The following DLL3 variants were observed in gnomAD, a reference collection of about 807,000 sequenced individuals.
DLL3 encodes delta-like protein 3.
Under a neutral mutation model 55.0 loss-of-function variants are expected in DLL3, and 49 were observed. The ratio of observed to expected loss-of-function variants is 0.89; its 90% CI spans 0.71 to 1.13. DLL3 has a LOEUF of 1.13. Ranked by LOEUF, DLL3 falls within the 50% of genes most tolerant of loss-of-function variation. The pLI, the probability that DLL3 is intolerant of heterozygous loss-of-function variation, is 0.00. For missense variants in DLL3, 962 were observed against 875.5 expected (o/e 1.10, Z -1.25); for synonymous variants, 421 against 385.2 (o/e 1.09, Z -1.09).
intron 1 of DLL3, 42 bp from the exon 2 acceptor site, chr19:39,499,150 G>A (rs1435568530): frequency 6.2e-7 from 1 of 1,602,510 alleles, no homozygotes; most frequent in African/African-American, 1.3e-5. Context: ...GGGAAGCCTG[G>A]GTCCTCCCGG....
intron 2 of DLL3, among the ~76,000 whole-genome samples, chr19:39,500,068 T>A (rs2079600561): frequency 1.3e-5 from 2 of 152,044 alleles, no homozygotes; most frequent in African/African-American, 4.8e-5. Context: ...TCCTGGTACC[T>A]CACAAGGGTC....
intron 4 of DLL3, among the ~76,000 whole-genome samples, chr19:39,503,450 C>G (rs2079622799): frequency 6.6e-6 from 1 of 152,208 alleles, no homozygotes; most frequent in Non-Finnish European, 1.5e-5. Context: ...GATGCTAGGA[C>G]TCCAAAGCTC....
rs1197111482 is a variant in DLL3 at position 39,508,225 on chromosome 19, A to C, written c.1759-27A>C. The C allele has an allele frequency of 1.9e-6, 3 of 1,613,808 alleles. No individual in the cohort carries two copies. In the East Asian group the frequency reaches 6.7e-5, roughly 36 times the overall value. On this transcript the variant is annotated intron_variant, in intron 8 of 8. Transcript: ENST00000356433. ...GGGGAGGCAGAGGGGCAGCCTCTCT[A>C]ATGCTTCCTACTCATTTTGTTTCTA...
intron 2 of DLL3, among the ~76,000 whole-genome samples, chr19:39,500,230 C>CCAGTCTCA: frequency 6.6e-6 from 1 of 150,410 alleles, no homozygotes. Flanking sequence ...CAGTTTGAGA[C>CCAGTCTCA]CAGTCTCAGT....
chr19:39,501,094 G>A (rs1238275182), intron 3 of DLL3, among the ~76,000 whole-genome samples: 1 of 151,960 alleles, frequency 6.6e-6, no homozygotes, highest in African/African-American at 2.4e-5. Flanking sequence ...CTGCCTTCTG[G>A]GTTCAAGCAA....
In DLL3 at chr19:39,508,415, A is replaced by AT. The variant is rs935425879; in HGVS notation, c.*164dup. Reference sequence around the variant, plus strand: ...TGTAAATAATGGTTATTTATATCCTATTTTTTCTCACCCCATCTCTCTAGA... The same window carrying AT: ...TGTAAATAATGGTTATTTATATCCTATTTTTTTCTCACCCCATCTCTCTAGA... On this transcript the variant is annotated 3_prime_UTR_variant, in exon 9 of 9. Coordinates refer to ENST00000356433, the MANE Select transcript of DLL3 (RefSeq NM_203486.3). 9.3e-5 allele frequency: 75 copies of AT among 803,136 alleles called. No homozygotes were observed. Among genetic ancestry groups the AT allele is most frequent in the Non-Finnish European group, 1.4e-4 (68 of 482,452 alleles). The allele number at this position is 803,136 out of a possible 1,614,324, so 49.8% of individuals were successfully genotyped here.
In DLL3 at chr19:39,507,229, GCGCGCGGACCCGTGCGC is replaced by G. The variant is rs777791545; in HGVS notation, c.1291_1307del (p.Asp431ProfsTer29). 2.9e-6 allele frequency: 4 copies of G among 1,372,986 alleles called. No individual in the cohort carries two copies. The Admixed American group carries it at 1.5e-4, about 51-fold the overall frequency. The allele number at this position is 1,372,986 out of a possible 1,614,324, so 85.1% of individuals were successfully genotyped here. On this transcript the variant is annotated frameshift_variant, in exon 7 of 9. Coordinates refer to ENST00000356433, the MANE Select transcript of DLL3 (RefSeq NM_203486.3). LOFTEE classifies it high-confidence loss of function. ...GCTTCGGCGGCCGCGACTGCCGCGA[GCGCGCGGACCCGTGCGC>G]CGCGCGCCCCTGTGCTCACGGCGGC... is the stretch of plus-strand genomic sequence containing the variant.
At chr19:39,507,939 C>T in intron 8 of DLL3, 25 bp downstream of exon 8, 1 of 1,614,140 alleles carries the variant, frequency 6.2e-7, no homozygotes, top group Non-Finnish European at 8.5e-7. Context: ...TTTCCCCCCG[C>T]TACACACTGG....
intron 3 of DLL3, among the ~76,000 whole-genome samples, chr19:39,501,411 G>C (rs2079609166): frequency 6.6e-6 from 1 of 152,156 alleles, no homozygotes; most frequent in Non-Finnish European, 1.5e-5. Context: ...AGGGATACAG[G>C]GCATTCCTAT....
chr19:39,499,253 G>C lies in DLL3; in HGVS notation c.131G>C (p.Gly44Ala), dbSNP rs1053381581. The stretch of plus-strand genomic sequence containing the variant: ...TCTTTCGGGCCGGGTCCAGGCCCTG[G>C]GGCCCCGCGGTCCCCCTGCAGCGCC... ...IHSFGPGPGP[G>A]APRSPCSARL... is the part of the protein sequence containing the mutation. Residue 44 changes from glycine to alanine, a missense_variant, in exon 2 of 9, where the codon GGG becomes GCG. By Grantham distance (60) the Gly-to-Ala change is moderately conservative. Coordinates refer to ENST00000356433, the MANE Select transcript of DLL3 (RefSeq NM_203486.3). The C allele has an allele frequency of 4.5e-6, 7 of 1,544,370 alleles. No homozygotes were observed. Among genetic ancestry groups the C allele is most frequent in the Non-Finnish European group, 6.1e-6 (7 of 1,149,678 alleles).
Position 39,505,237 on chromosome 19 carries a change from C to T in DLL3, c.879C>T (p.Pro293=), listed in dbSNP as rs1331965283. ...CTCTTGTCCCTGCCCAGGAGACACC[C>T]AGGTCCTTTGAATGCACCTGCCCGC... ...CANGGSCSET[P]RSFECTCPRG... is the part of the protein sequence containing the mutation. The change falls in exon 6 of 9, where the codon CCC becomes CCT. Residue 293 remains proline, a synonymous_variant. Coordinates refer to ENST00000356433, the MANE Select transcript of DLL3 (RefSeq NM_203486.3). The T allele has an allele frequency of 6.2e-7, 1 of 1,614,040 alleles. No homozygotes were observed. The highest frequency in any genetic ancestry group is 1.7e-5 in the Admixed American group (1 of 60,028).
intron 8 of DLL3, 136 bp downstream of exon 8, chr19:39,508,050 T>G (rs951910938): frequency 4.4e-6 from 7 of 1,603,252 alleles, no homozygotes; most frequent in Non-Finnish European, 6.0e-6. Context: ...AAGCCCATTT[T>G]CAGTTCTAAC....
Position 39,499,234 on chromosome 19 carries a change from G to T in DLL3, c.112G>T (p.Gly38Trp). The change falls in exon 2 of 9, where the codon GGG becomes TGG. Residue 38 changes from glycine to tryptophan, a missense_variant. Coordinates refer to ENST00000356433, the MANE Select transcript of DLL3 (RefSeq NM_203486.3). Reference protein sequence around the residue: ...GVFELQIHSFGPGPGPGAPRS... With the variant: ...GVFELQIHSFWPGPGPGAPRS... ...CTTCGAGCTGCAGATCCACTCTTTC[G>T]GGCCGGGTCCAGGCCCTGGGGCCCC... The T allele has an allele frequency of 6.4e-7, 1 of 1,551,592 alleles. No homozygotes were observed.
At chr19:39,501,801 C>T (rs1478644684) in intron 3 of DLL3, among the ~76,000 whole-genome samples, 3 of 152,150 alleles carry the variant, frequency 2.0e-5, no homozygotes. Flanking sequence ...GTGTTATGAC[C>T]TCACTTCAGA....
chr19:39,507,315 C>T lies in DLL3; in HGVS notation c.1370C>T (p.Pro457Leu), dbSNP rs762031444. Residue 457 changes from proline (P) to leucine (L), a missense_variant, in exon 7 of 9, where the codon CCC becomes CTC. Coordinates refer to ENST00000356433, the MANE Select transcript of DLL3 (RefSeq NM_203486.3). The stretch of plus-strand genomic sequence containing the variant: ...TCCGGCCTCGTCTGCGCTTGCGCTC[C>T]CGGCTACATGGGAGCGCGGTGTGAG... ...HFSGLVCACA[P>L]GYMGARCEFP... The T allele has an allele frequency of 1.1e-4, 172 of 1,562,194 alleles. No homozygotes were observed. Among genetic ancestry groups the T allele is most frequent in the Non-Finnish European group, 1.4e-4 (164 of 1,161,972 alleles).
intron 1 of DLL3, 39 bp from the exon 2 acceptor site, chr19:39,499,153 C>A: frequency 6.2e-7 from 1 of 1,600,964 alleles, no homozygotes; most frequent in East Asian, 2.3e-5. Flanking sequence ...AAGCCTGGGT[C>A]CTCCCGGCCG....
At chr19:39,499,495 C>T (rs1248980767) in intron 2 of DLL3, 22 bp downstream of exon 2, 2 of 1,576,684 alleles carry the variant, frequency 1.3e-6, no homozygotes, top group African/African-American at 1.3e-5. Flanking sequence ...CCCCGGGGGA[C>T]TCCCGGTGCT....
intron 4 of DLL3, 92 bp downstream of exon 4, chr19:39,503,149 C>A: frequency 7.3e-7 from 1 of 1,360,970 alleles, no homozygotes; most frequent in Non-Finnish European, 9.8e-7. Flanking sequence ...TCTCACAACC[C>A]ACTCACCCTC....
At chr19:39,506,087 T>C (rs2079638835) in intron 6 of DLL3, among the ~76,000 whole-genome samples, 2 of 151,718 alleles carry the variant, frequency 1.3e-5, no homozygotes, top group Admixed American at 1.3e-4. Context: ...TGGCAGGTGC[T>C]TGTAATCCCA....
Sources: allele counts gnomAD v4.1 joint callset (sites outside exome capture counted in the v4.1 genomes callset), GRCh38; gene constraint gnomAD v4.1.1; transcripts MANE v1.5; gene names NCBI Gene and HGNC (gene_info 2026-07-23, HGNC 2026-07-21).